LPP: variants seen among roughly 807,000 people sequenced by gnomAD.
The protein encoded by LPP is LIM domain containing preferred translocation partner in lipoma.
A neutral mutation model predicts 60.4 loss-of-function variants in LPP; 38 were observed. The observed-to-expected ratio is 0.63, with a 90% CI of 0.49 to 0.83. LPP has a LOEUF of 0.83. Among genes scored for constraint, LPP ranks in the 40% least tolerant of loss-of-function variants. LPP has a pLI of 0.00. For missense variants in LPP, 902 were observed against 783.6 expected (o/e 1.15, Z -1.80); for synonymous variants, 328 against 290.8 (o/e 1.13, Z -1.30).
In LPP at chr3:188,709,128, T is replaced by C. The variant is rs917987456; in HGVS notation, c.1240+735T>C. On this transcript the variant is annotated intron_variant, in intron 8 of 11. Coordinates refer to ENST00000617246, the MANE Select transcript of LPP (RefSeq NM_001375462.1). Reference sequence around the variant, plus strand: ...AGTTTTAATTTTCCCCTCTTCAAACTTGTTAATAACTAGGAATGGTTAATC... The same window carrying C: ...AGTTTTAATTTTCCCCTCTTCAAACCTGTTAATAACTAGGAATGGTTAATC... 2.6e-5 allele frequency: 4 copies of C among 152,232 alleles called. No homozygotes were observed. In the East Asian group the frequency reaches 7.7e-4, roughly 29 times the overall value. 9.4% of individuals were successfully genotyped at this position (152,232 alleles called of 1,614,324 possible). A position where few individuals can be genotyped will look rare whatever the true frequency, so the allele number is the denominator to read the frequency against.
At chr3:188,200,031 ATT>A (rs1553810008) in intron 1 of LPP, among the ~76,000 whole-genome samples, 1 of 152,036 alleles carries the variant, frequency 6.6e-6, no homozygotes. Flanking sequence ...AAACTGAGAT[ATT>A]TTTTGTTCCT....
rs1553938528 is a variant in LPP at position 188,599,790 on chromosome 3, G to GTGTGTGTGT, written c.430-9371_430-9370insTGTGTGTGT. Among the ~76,000 whole-genome samples the GTGTGTGTGT allele has an allele frequency of 1.6e-4, 20 of 125,478 alleles. No individual in the cohort carries two copies. The East Asian group carries it at 2.9e-3, about 18-fold the overall frequency. The allele number at this position is 125,478 out of a possible 152,430, so 82.3% of individuals were successfully genotyped here. A position where few individuals can be genotyped will look rare whatever the true frequency, so the allele number is the denominator to read the frequency against. The stretch of plus-strand genomic sequence containing the variant: ...TGTGTGTGTGTGTGTGTGTGTGTGT[G>GTGTGTGTGT]GTGTGTGCTTTATGTGTTCATTGAG... On this transcript the variant is annotated intron_variant, in intron 6 of 11. Coordinates refer to ENST00000617246, the MANE Select transcript of LPP (RefSeq NM_001375462.1).
intron 3 of LPP, among the ~76,000 whole-genome samples, chr3:188,394,733 G>A (rs1275973912): frequency 3.3e-5 from 5 of 152,134 alleles, no homozygotes; most frequent in East Asian, 1.9e-4. Flanking sequence ...AAGGGATAAT[G>A]TCCATAGATG....
At chr3:188,488,137 T>C (rs1010729104) in intron 5 of LPP, among the ~76,000 whole-genome samples, 1 of 152,060 alleles carries the variant, frequency 6.6e-6, no homozygotes, top group Non-Finnish European at 1.5e-5. Flanking sequence ...TTGACCTTCT[T>C]CCTGCTGTCC....
In LPP at chr3:188,880,763, A is replaced by G. The variant is rs938091564; in HGVS notation, c.*6284A>G. 1.6e-5 allele frequency: 3 copies of G among 183,052 alleles called. No individual in the cohort carries two copies. The highest frequency in any genetic ancestry group is 3.5e-5 in the Non-Finnish European group (3 of 85,974). The allele number at this position is 183,052 out of a possible 1,614,324, so 11.3% of individuals were successfully genotyped here. A position where few individuals can be genotyped will look rare whatever the true frequency, so the allele number is the denominator to read the frequency against. ...GCTTCTAAAATCAGTTCTCTACCCTACGAATGGAATGTTCTACCAAGAAAG... is the reference window on the plus strand; with the variant it reads ...GCTTCTAAAATCAGTTCTCTACCCTGCGAATGGAATGTTCTACCAAGAAAG... On this transcript the variant is annotated 3_prime_UTR_variant, in exon 12 of 12. Transcript: ENST00000617246.
At chr3:188,678,459 T>C (rs1345486590) in intron 7 of LPP, among the ~76,000 whole-genome samples, 2 of 152,210 alleles carry the variant, frequency 1.3e-5, no homozygotes, top group Non-Finnish European at 2.9e-5. Flanking sequence ...TATTTCCTGA[T>C]ACCAGCATAT....
At chr3:188,475,301 T>A (rs1802865119) in intron 4 of LPP, among the ~76,000 whole-genome samples, 1 of 152,238 alleles carries the variant, frequency 6.6e-6, no homozygotes, top group African/African-American at 2.4e-5. Context: ...TCAAGCTAAG[T>A]TATTTAGAAA....
chr3:188,592,626 C>A (rs895224078), intron 6 of LPP, among the ~76,000 whole-genome samples: 2 of 137,222 alleles, frequency 1.5e-5, no homozygotes, highest in African/African-American at 5.3e-5. Context: ...CTCACTGCAA[C>A]CTCCACCTCT....
chr3:188,678,753 A>G (rs1357966859), intron 7 of LPP, among the ~76,000 whole-genome samples: 1 of 152,210 alleles, frequency 6.6e-6, no homozygotes, highest in Admixed American at 6.5e-5. Context: ...AATAAGACCT[A>G]GATCTTGCCC....
intron 3 of LPP, among the ~76,000 whole-genome samples, chr3:188,348,887 G>C (rs13087827): frequency 2.0e-5 from 3 of 152,076 alleles, no homozygotes; most frequent in Non-Finnish European, 2.9e-5. Flanking sequence ...AGCGGGGTCC[G>C]GGGGGCGGGG....
Position 188,879,140 on chromosome 3 carries a change from G to T in LPP, c.*4661G>T, listed in dbSNP as rs1769620333. On this transcript the variant is annotated 3_prime_UTR_variant, in exon 12 of 12. Transcript: ENST00000617246. ...TATTCACTTGACAGATAACTAGAATGAAACTTTTCTCATGAGGCTGTTGTT... is the reference window on the plus strand; with the variant it reads ...TATTCACTTGACAGATAACTAGAATTAAACTTTTCTCATGAGGCTGTTGTT... 4.3e-6 allele frequency: 1 copy of T among 230,118 alleles called. No individual in the cohort carries two copies. Among genetic ancestry groups the T allele is most frequent in the Non-Finnish European group, 8.6e-6 (1 of 115,998 alleles). 14.3% of individuals were successfully genotyped at this position (230,118 alleles called of 1,614,324 possible).
chr3:188,551,580 G>A (rs1324787608), intron 6 of LPP, among the ~76,000 whole-genome samples: 1 of 152,152 alleles, frequency 6.6e-6, no homozygotes, highest in Non-Finnish European at 1.5e-5. Context: ...TTCTCATAGG[G>A]AACTTACGTT....
intron 8 of LPP, among the ~76,000 whole-genome samples, chr3:188,734,687 A>G (rs976874376): frequency 2.6e-5 from 4 of 152,264 alleles, no homozygotes; most frequent in Non-Finnish European, 5.9e-5. Context: ...TTTTGAGAAC[A>G]GCAAAGAACC....
At chr3:188,529,259 T>C (rs998384287) in intron 6 of LPP, among the ~76,000 whole-genome samples, 1 of 152,204 alleles carries the variant, frequency 6.6e-6, no homozygotes, top group South Asian at 2.1e-4. Context: ...TGTGTTATAA[T>C]TGAAAGGTAC....
intron 7 of LPP, among the ~76,000 whole-genome samples, chr3:188,692,473 C>T (rs916935261): frequency 1.3e-5 from 2 of 152,238 alleles, no homozygotes; most frequent in Admixed American, 6.5e-5. Context: ...TGCTAGATCT[C>T]TGGATATGCA....
chr3:188,428,373 T>G (rs934715047), intron 4 of LPP, among the ~76,000 whole-genome samples: 3 of 152,174 alleles, frequency 2.0e-5, no homozygotes, highest in Non-Finnish European at 4.4e-5. Context: ...ATCTTCATCC[T>G]AAGTCCCATA....
chr3:188,831,098 A>G (rs1757027041), intron 9 of LPP, among the ~76,000 whole-genome samples: 1 of 152,178 alleles, frequency 6.6e-6, no homozygotes, highest in Non-Finnish European at 1.5e-5. Context: ...TTTCTCTATC[A>G]TTCTGCTATG....
At chr3:188,782,118 T>A (rs956481939) in intron 9 of LPP, among the ~76,000 whole-genome samples, 1 of 152,210 alleles carries the variant, frequency 6.6e-6, no homozygotes, top group Middle Eastern at 3.4e-3. Flanking sequence ...CTTGAAAGAG[T>A]ATCATAGTTA....
At chr3:188,703,952 T>C (rs1409763205) in intron 7 of LPP, among the ~76,000 whole-genome samples, 1 of 152,204 alleles carries the variant, frequency 6.6e-6, no homozygotes, top group Non-Finnish European at 1.5e-5. Context: ...GAGACAATGA[T>C]AAATTGTGTC....
Sources: allele counts gnomAD v4.1 joint callset (sites outside exome capture counted in the v4.1 genomes callset), GRCh38; gene constraint gnomAD v4.1.1; transcripts MANE v1.5; gene names NCBI Gene and HGNC (gene_info 2026-07-23, HGNC 2026-07-21).